BABAM2: variants seen among roughly 807,000 people sequenced by gnomAD.
BABAM2 encodes BRISC and BRCA1 A complex member 2.
BABAM2 carries 31 observed loss-of-function variants against 54.7 expected under a neutral mutation model. The ratio of observed to expected loss-of-function variants is 0.57; its 90% CI spans 0.43 to 0.77. The LOEUF is 0.77. Ranked by LOEUF, BABAM2 falls within the 30% of genes least tolerant of loss-of-function variation. The pLI is 0.00. For missense variants in BABAM2, 364 were observed against 455.8 expected, an observed-to-expected ratio of 0.80 and a Z score of 1.83; for synonymous variants, 167 against 162.9, an observed-to-expected ratio of 1.03 and a Z score of -0.19.
At chr2:28,241,995 C>G (rs1682486616) in intron 9 of BABAM2, among the ~76,000 whole-genome samples, 1 of 151,418 alleles carries the variant, frequency 6.6e-6, no homozygotes, top group South Asian at 2.1e-4. Context: ...GTAGAACTCT[C>G]TACAATTTGC....
intron 4 of BABAM2, among the ~76,000 whole-genome samples, chr2:28,021,875 A>G (rs926234050): frequency 1.3e-5 from 2 of 152,058 alleles, no homozygotes; most frequent in African/African-American, 4.8e-5. Context: ...CCCCACAGAC[A>G]TGGACAGACT....
intron 3 of BABAM2, among the ~76,000 whole-genome samples, chr2:27,975,692 G>C (rs1327749468): frequency 6.6e-6 from 1 of 152,066 alleles, no homozygotes; most frequent in Non-Finnish European, 1.5e-5. Flanking sequence ...AAAGAAAAAA[G>C]TTGATAAATT....
intron 7 of BABAM2, among the ~76,000 whole-genome samples, chr2:28,176,628 C>A (rs1675013697): frequency 1.1e-5 from 1 of 90,570 alleles, no homozygotes; most frequent in African/African-American, 4.1e-5. Flanking sequence ...CACAGATAAA[C>A]CGTACAAAGA....
At chr2:28,148,174 G>A (rs1021459397) in intron 7 of BABAM2, among the ~76,000 whole-genome samples, 2 of 152,114 alleles carry the variant, frequency 1.3e-5, no homozygotes, top group Admixed American at 1.3e-4. Context: ...ACTGTGTACC[G>A]CAGAAACAGT....
chr2:27,952,543 G>T (rs944797162), intron 3 of BABAM2, among the ~76,000 whole-genome samples: 1 of 152,156 alleles, frequency 6.6e-6, no homozygotes, highest in African/African-American at 2.4e-5. Context: ...AGTATCCAGA[G>T]GGCACCAATG....
intron 2 of BABAM2, among the ~76,000 whole-genome samples, chr2:27,902,512 TGA>T (rs1665864673): frequency 6.6e-6 from 1 of 152,208 alleles, no homozygotes; most frequent in Non-Finnish European, 1.5e-5. Context: ...CCATCAGAAA[TGA>T]GTTTCTACTA....
intron 3 of BABAM2, among the ~76,000 whole-genome samples, chr2:27,957,855 G>A (rs556533301): frequency 3.3e-5 from 5 of 152,134 alleles, no homozygotes; most frequent in Non-Finnish European, 7.4e-5. Context: ...AAGGCAATGA[G>A]GCTTTCATCT....
intron 10 of BABAM2, among the ~76,000 whole-genome samples, chr2:28,264,272 A>C (rs1558484033): frequency 6.6e-6 from 1 of 152,210 alleles, no homozygotes; most frequent in Non-Finnish European, 1.5e-5. Context: ...TGGATACTAA[A>C]GATATAGGAC....
chr2:28,024,923 G>A (rs181606231), intron 4 of BABAM2, among the ~76,000 whole-genome samples: 46 of 152,250 alleles, frequency 3.0e-4, no homozygotes, highest in South Asian at 8.3e-4. Flanking sequence ...CTAAAATTAT[G>A]GTCTTCTAGG....
intron 10 of BABAM2, among the ~76,000 whole-genome samples, chr2:28,293,015 C>A (rs1290969738): frequency 2.6e-5 from 4 of 152,226 alleles, no homozygotes; most frequent in Non-Finnish European, 4.4e-5. Context: ...TGTTACTACA[C>A]TGAATGGCCA....
At chr2:28,119,956 C>T (rs1668924069) in intron 6 of BABAM2, among the ~76,000 whole-genome samples, 1 of 152,124 alleles carries the variant, frequency 6.6e-6, no homozygotes, top group South Asian at 2.1e-4. Flanking sequence ...ATGGCCCTAA[C>T]TGTACATTAT....
intron 2 of BABAM2, among the ~76,000 whole-genome samples, chr2:27,905,968 A>T (rs1666160378): frequency 6.6e-6 from 1 of 152,240 alleles, no homozygotes; most frequent in Non-Finnish European, 1.5e-5. Context: ...GATAGAACTT[A>T]AGAGTTTTTA....
intron 7 of BABAM2, among the ~76,000 whole-genome samples, chr2:28,208,395 ATTG>A (rs1458555731): frequency 1.3e-5 from 2 of 152,084 alleles, no homozygotes; most frequent in Non-Finnish European, 1.5e-5. Context: ...TAAATTTTGT[ATTG>A]TTGTTTATTT....
intron 6 of BABAM2, among the ~76,000 whole-genome samples, chr2:28,090,185 AGAGTGCT>A (rs1666039443): frequency 6.6e-6 from 1 of 152,226 alleles, no homozygotes; most frequent in African/African-American, 2.4e-5. Flanking sequence ...GCCAAATGAC[AGAGTGCT>A]TGTATTTGCC....
rs1273182816 is a variant in BABAM2 at position 27,938,841 on chromosome 2, A to G, written c.205+8933A>G. Among the ~76,000 whole-genome samples, 4 of 152,334 alleles carry G rather than the reference A, an allele frequency of 2.6e-5. No individual in the cohort carries two copies. In the East Asian group the frequency reaches 7.7e-4, roughly 29 times the overall value. ...TCCTTTTTGTTTCCAAGCAAAGGGT[A>G]ATGGCTAACTCAGTGCTTTGCAGTC... On this transcript the variant is annotated intron_variant, in intron 3 of 11. Coordinates refer to ENST00000379624, the MANE Select transcript of BABAM2 (RefSeq NM_199191.3).
At chr2:27,927,120 T>C (rs1667762368) in intron 2 of BABAM2, among the ~76,000 whole-genome samples, 1 of 152,190 alleles carries the variant, frequency 6.6e-6, no homozygotes, top group African/African-American at 2.4e-5. Flanking sequence ...CTGAGGTTGC[T>C]GGAACCAGCT....
At chr2:28,259,508 C>A (rs1324441329) in intron 10 of BABAM2, among the ~76,000 whole-genome samples, 3 of 152,074 alleles carry the variant, frequency 2.0e-5, no homozygotes, top group Admixed American at 6.6e-5. Context: ...GGGATACAAA[C>A]CCTTTGTCAG....
chr2:28,001,841 G>T (rs116372180), intron 4 of BABAM2, among the ~76,000 whole-genome samples: 1 of 152,002 alleles, frequency 6.6e-6, no homozygotes, highest in Non-Finnish European at 1.5e-5. Context: ...GGATAGACCC[G>T]CCCCTATGCA....
At chr2:28,154,330 G>A (rs1194495284) in intron 7 of BABAM2, among the ~76,000 whole-genome samples, 1 of 152,174 alleles carries the variant, frequency 6.6e-6, no homozygotes, top group African/African-American at 2.4e-5. Context: ...GCTGAATATG[G>A]AAGTTTAGCT....
Sources: gnomAD v4.1 joint callset for allele counts (sites outside exome capture counted in the v4.1 genomes callset) on GRCh38, gnomAD v4.1.1 for gene constraint, MANE v1.5 for transcripts, NCBI Gene and HGNC (gene_info 2026-07-23, HGNC 2026-07-21) for gene names.